Variants in PCM1 observed in about 807,000 individuals in gnomAD.
PCM1 encodes pericentriolar material 1.
A neutral mutation model predicts 241.9 loss-of-function variants in PCM1; 157 were observed. That is an observed-to-expected ratio of 0.65 (90% CI 0.57 to 0.74). The LOEUF (loss-of-function observed/expected upper bound fraction) is 0.74. Among genes scored for constraint, PCM1 ranks in the 30% least tolerant of loss-of-function variants. The pLI is 0.00. For synonymous variants in PCM1, 1,085 were observed against 784.9 expected (o/e 1.38, Z -6.39); for missense variants, 3,478 against 2,360.1 (o/e 1.47, Z -9.81).
At chr8:18,014,128 T>C (rs999605228) in intron 35 of PCM1, 92 bp downstream of exon 35, 26 of 743,728 alleles carry the variant, frequency 3.5e-5, no homozygotes, top group Non-Finnish European at 8.7e-6. Flanking sequence ...CAGAAAACAC[T>C]AAAATTCTTA....
At chr8:17,926,821 GA>G (rs1416794885) in intron 2 of PCM1, 1 of 152,220 alleles carries the variant, frequency 6.6e-6, no homozygotes, top group Non-Finnish European at 1.5e-5. Context: ...TCAAGTGAGA[GA>G]AGTAGAATGC....
intron 8 of PCM1, among the ~76,000 whole-genome samples, 173 bp downstream of exon 8, chr8:17,950,897 G>T (rs1225873915): frequency 6.6e-6 from 1 of 152,248 alleles, no homozygotes; most frequent in African/African-American, 2.4e-5. Context: ...TTTGGGGTGG[G>T]CTTCTCCACG....
chr8:17,955,233 C>T (rs116724458), intron 9 of PCM1, among the ~76,000 whole-genome samples: 1,892 of 151,956 alleles, frequency 0.012, 40 homozygotes, highest in African/African-American at 0.044. Context: ...TGTTTTAACC[C>T]AGTGGTTATA....
Position 17,938,803 on chromosome 8 carries a change from G to A in PCM1, c.406G>A (p.Glu136Lys), listed in dbSNP as rs1189333808. 2 of 1,613,078 alleles carry A rather than the reference G, an allele frequency of 1.2e-6. No homozygotes were observed. Among genetic ancestry groups the A allele is most frequent in the Admixed American group, 3.3e-5 (2 of 60,004 alleles). Residue 136 changes from glutamate to lysine, a missense_variant, in exon 5 of 39, where the codon GAA becomes AAA. Physicochemically the swap from Glu to Lys is moderately conservative, Grantham distance 56. Coordinates refer to ENST00000325083, the MANE Select transcript of PCM1 (RefSeq NM_006197.4). Reference protein sequence around the residue: ...TAANNKRQLSENRKPFNFLPM... With the variant: ...TAANNKRQLSKNRKPFNFLPM... The stretch of plus-strand genomic sequence containing the variant: ...TGCTAACAACAAACGTCAGCTTAGT[G>A]AAAACCGAAAGCCCTTCAACTTTTT...
chr8:17,976,290 G>A (rs1000229705), intron 23 of PCM1, among the ~76,000 whole-genome samples: 2 of 152,164 alleles, frequency 1.3e-5, no homozygotes, highest in African/African-American at 4.8e-5. Context: ...GAGTGACACC[G>A]AAATAAAAGG....
At chr8:17,927,825 A>G (rs1272557332) in intron 2 of PCM1, 1 of 150,882 alleles carries the variant, frequency 6.6e-6, no homozygotes, top group African/African-American at 2.4e-5. Context: ...CTGGGATTAC[A>G]AGCGTGAGCC....
intron 13 of PCM1, among the ~76,000 whole-genome samples, chr8:17,959,630 A>G (rs1177658161): frequency 6.6e-6 from 1 of 152,058 alleles, no homozygotes; most frequent in Non-Finnish European, 1.5e-5. Flanking sequence ...TTCTATATGT[A>G]TAGAATTTTT....
Position 17,995,416 on chromosome 8 carries a change from G to T in PCM1, c.4827+1797G>T, listed in dbSNP as rs113718274. Among the ~76,000 whole-genome samples the T allele has an allele frequency of 5.3e-5, 8 of 151,072 alleles. 1 individual carries two copies. Among genetic ancestry groups the T allele is most frequent in the African/African-American group, 2.0e-4 (8 of 40,556 alleles). On this transcript the variant is annotated intron_variant, in intron 29 of 38. Transcript: ENST00000325083. The stretch of plus-strand genomic sequence containing the variant: ...TCTGGGTTCTCTGTTCTGTTCTGTC[G>T]GTCTGTGTTTCTGTTGTTTGTATGC...
At chr8:18,016,455 G>C (rs1014414962) in intron 36 of PCM1, among the ~76,000 whole-genome samples, 1 of 140,006 alleles carries the variant, frequency 7.1e-6, no homozygotes, top group South Asian at 2.2e-4. Flanking sequence ...TAAAGTTACA[G>C]TGGAGAAGTT....
intron 2 of PCM1, among the ~76,000 whole-genome samples, chr8:17,933,539 A>T (rs58259213): frequency 0.037 from 5,657 of 152,294 alleles, 163 homozygotes; most frequent in African/African-American, 0.074. Context: ...AATATTTAGT[A>T]TCCCATCATG....
chr8:17,969,913 C>T (rs1253688013), intron 22 of PCM1, among the ~76,000 whole-genome samples, 165 bp downstream of exon 22: 1 of 152,158 alleles, frequency 6.6e-6, no homozygotes, highest in Non-Finnish European at 1.5e-5. Flanking sequence ...ATGCCAGATA[C>T]TTCCTGGTAA....
At chr8:18,010,893 A>G (rs1335790706) in intron 32 of PCM1, among the ~76,000 whole-genome samples, 1 of 152,168 alleles carries the variant, frequency 6.6e-6, no homozygotes, top group Non-Finnish European at 1.5e-5. Context: ...GAATTGCTAG[A>G]ACCTGGGAGG....
At chr8:17,988,493 T>C (rs2083355294) in intron 26 of PCM1, among the ~76,000 whole-genome samples, 1 of 151,882 alleles carries the variant, frequency 6.6e-6, no homozygotes, top group Admixed American at 6.6e-5. Flanking sequence ...TGACATAGGC[T>C]AAGTTTTCTT....
intron 9 of PCM1, among the ~76,000 whole-genome samples, chr8:17,953,718 T>G (rs2066935754): frequency 6.6e-6 from 1 of 152,222 alleles, no homozygotes; most frequent in Non-Finnish European, 1.5e-5. Flanking sequence ...CAGGTATAAC[T>G]GCGGGAGTTA....
chr8:17,974,857 GCACACACACACACACA>G (rs60355433), intron 23 of PCM1, among the ~76,000 whole-genome samples: 3 of 133,380 alleles, frequency 2.2e-5, no homozygotes, highest in Non-Finnish European at 3.3e-5. Flanking sequence ...CCACTTTAAG[GCACACACACACACACA>G]CACACACACA....
At chr8:17,988,760 A>G (rs1372660786) in intron 26 of PCM1, among the ~76,000 whole-genome samples, 1 of 151,990 alleles carries the variant, frequency 6.6e-6, no homozygotes, top group African/African-American at 2.4e-5. Flanking sequence ...TTAAAGCCAC[A>G]GAAAATACCA....
At chr8:17,959,483 C>T (rs1467582994) in intron 13 of PCM1, among the ~76,000 whole-genome samples, 2 of 152,038 alleles carry the variant, frequency 1.3e-5, no homozygotes, top group African/African-American at 4.8e-5. Flanking sequence ...CTTGCACAAG[C>T]TTTTGTGCAT....
chr8:17,924,225 C>G (rs565614062), intron 1 of PCM1, among the ~76,000 whole-genome samples: 11 of 152,148 alleles, frequency 7.2e-5, no homozygotes, highest in Non-Finnish European at 1.5e-4. Flanking sequence ...CTGGTGAGGA[C>G]CCCTGAACAC....
chr8:18,013,821 C>T, intron 34 of PCM1, 143 bp from the exon 35 acceptor site: 1 of 593,918 alleles, frequency 1.7e-6, no homozygotes, highest in East Asian at 3.2e-5. Context: ...CCAAAGCCGC[C>T]TCCTTGAAAT....
Sources: gnomAD v4.1 joint callset for allele counts (sites outside exome capture counted in the v4.1 genomes callset) on GRCh38, gnomAD v4.1.1 for gene constraint, MANE v1.5 for transcripts, NCBI Gene and HGNC (gene_info 2026-07-23, HGNC 2026-07-21) for gene names.